The following TIMD4 variants were observed in gnomAD, a reference collection of about 807,000 sequenced individuals.
TIMD4 encodes T-cell immunoglobulin and mucin domain-containing protein 4.
A neutral mutation model predicts 41.2 loss-of-function variants in TIMD4; 31 were observed. The ratio of observed to expected loss-of-function variants is 0.75; its 90% CI spans 0.57 to 1.01. The LOEUF is 1.01. Ranked by LOEUF, TIMD4 falls within the 50% of genes least tolerant of loss-of-function variation. The pLI, the probability that TIMD4 is intolerant of heterozygous loss-of-function variation, is 0.00. For synonymous variants in TIMD4, 204 were observed against 177.1 expected, an observed-to-expected ratio of 1.15 and a Z score of -1.21; for missense variants, 479 against 472.5, an observed-to-expected ratio of 1.01 and a Z score of -0.13.
At chr5:156,956,783 C>T (rs1374828076) in intron 1 of TIMD4, among the ~76,000 whole-genome samples, 2 of 152,212 alleles carry the variant, frequency 1.3e-5, no homozygotes, top group Non-Finnish European at 2.9e-5. Context: ...CACCCTGCTC[C>T]CCCTTGGGTA....
At chr5:156,957,197 G>A (rs537287223) in intron 1 of TIMD4, among the ~76,000 whole-genome samples, 75 of 152,266 alleles carry the variant, frequency 4.9e-4, no homozygotes, top group Non-Finnish European at 7.1e-4. Flanking sequence ...ACTTTGCCAA[G>A]TGGAAATGTT....
Position 156,919,393 on chromosome 5 carries a change from C to A in TIMD4, c.*64G>T. The A allele has an allele frequency of 7.0e-7, 1 of 1,427,168 alleles. No individual in the cohort carries two copies. The highest frequency in any genetic ancestry group is 9.9e-7 in the Non-Finnish European group (1 of 1,014,714). The allele number at this position is 1,427,168 out of a possible 1,614,324, so 88.4% of individuals were successfully genotyped here. The stretch of plus-strand genomic sequence containing the variant: ...CTTTTTTATGAAACAAGGAAATCTA[C>A]TAAGACTTATTTTGACACTGGAGTG... On this transcript the variant is annotated 3_prime_UTR_variant, in exon 9 of 9. Coordinates refer to ENST00000274532, the MANE Select transcript of TIMD4 (RefSeq NM_138379.3).
At chr5:156,922,476 G>A (rs911750930) in intron 6 of TIMD4, among the ~76,000 whole-genome samples, 6 of 152,188 alleles carry the variant, frequency 3.9e-5, no homozygotes, top group African/African-American at 1.4e-4. Context: ...GTTCTCCATG[G>A]TCAAATCTCT....
rs534368440 is a variant in TIMD4 at position 156,945,905 on chromosome 5, G to A, written c.844+2511C>T. On this transcript the variant is annotated intron_variant, in intron 5 of 8. Transcript: ENST00000274532. ...ATTAAATGAAGTGGCCCAGGAAGAT[G>A]GCTTGACACAGACCTAGAACATAAC... 1.1e-4 allele frequency among the ~76,000 whole-genome samples: 16 copies of A among 152,256 alleles called. No individual in the cohort carries two copies. The South Asian group carries it at 1.5e-3, about 14-fold the overall frequency.
At chr5:156,925,966 C>A (rs918124417) in intron 6 of TIMD4, among the ~76,000 whole-genome samples, 1 of 152,232 alleles carries the variant, frequency 6.6e-6, no homozygotes, top group Non-Finnish European at 1.5e-5. Flanking sequence ...TGCAATAGCG[C>A]CATCTTGGCT....
chr5:156,946,728 G>A (rs113494737), intron 5 of TIMD4, among the ~76,000 whole-genome samples: 22 of 151,130 alleles, frequency 1.5e-4, no homozygotes, highest in South Asian at 2.1e-4. Flanking sequence ...CTCGTGATCC[G>A]CCTGCCTCGG....
chr5:156,953,817 G>A (rs1014959516), intron 2 of TIMD4, among the ~76,000 whole-genome samples: 12 of 152,130 alleles, frequency 7.9e-5, no homozygotes, highest in African/African-American at 2.7e-4. Context: ...TACTGGACAA[G>A]CCCTAAAGGT....
intron 5 of TIMD4, among the ~76,000 whole-genome samples, chr5:156,930,405 T>C (rs571797233): frequency 2.6e-4 from 39 of 152,348 alleles, no homozygotes; most frequent in African/African-American, 8.2e-4. Context: ...TTTGAACTGT[T>C]TGACTGACAT....
intron 5 of TIMD4, among the ~76,000 whole-genome samples, chr5:156,934,396 C>G (rs139661098): frequency 5.9e-4 from 90 of 152,268 alleles, no homozygotes; most frequent in African/African-American, 2.0e-3. Context: ...GCTGGGACTA[C>G]AAGTGTGTGC....
chr5:156,939,526 TTAG>T (rs1759601571), intron 5 of TIMD4, among the ~76,000 whole-genome samples: 2 of 152,184 alleles, frequency 1.3e-5, no homozygotes, highest in East Asian at 3.8e-4. Flanking sequence ...TAAGTGCCAA[TTAG>T]CAAAGACACC....
At chr5:156,930,346 G>T (rs1759424660) in intron 5 of TIMD4, among the ~76,000 whole-genome samples, 1 of 152,236 alleles carries the variant, frequency 6.6e-6, no homozygotes, top group African/African-American at 2.4e-5. Context: ...GGCCCATGGG[G>T]TTGAGCAATG....
At chr5:156,919,866 T>A (rs1033458881) in intron 8 of TIMD4, among the ~76,000 whole-genome samples, 1 of 152,212 alleles carries the variant, frequency 6.6e-6, no homozygotes, top group African/African-American at 2.4e-5. Flanking sequence ...TAATACATAT[T>A]GTGGTATTAA....
rs61163007 is a variant in TIMD4, at chr5:156,941,185, C to T, written c.844+7231G>A. ...CAGGGACACAAACACTGCGGAAGGC[C>T]GCAGGGTCCTCTGCCTAGGAAAACC... On this transcript the variant is annotated intron_variant, in intron 5 of 8. Transcript: ENST00000274532. 4.4e-3 allele frequency among the ~76,000 whole-genome samples: 665 copies of T among 152,076 alleles called. 4 individuals are homozygous for T. Among genetic ancestry groups the T allele is most frequent in the African/African-American group, 0.015 (635 of 41,418 alleles).
At chr5:156,934,997 G>C (rs1263850310) in intron 5 of TIMD4, among the ~76,000 whole-genome samples, 1 of 152,170 alleles carries the variant, frequency 6.6e-6, no homozygotes, top group Non-Finnish European at 1.5e-5. Flanking sequence ...TAGAATTTTA[G>C]AAGTGACAAG....
intron 5 of TIMD4, among the ~76,000 whole-genome samples, chr5:156,928,425 A>C (rs1180853410): frequency 6.6e-6 from 1 of 152,204 alleles, no homozygotes; most frequent in African/African-American, 2.4e-5. Flanking sequence ...AGAAATGGTC[A>C]GAGAGATCAG....
chr5:156,922,306 C>A, intron 6 of TIMD4, 90 bp from the exon 7 acceptor site: 2 of 995,460 alleles, frequency 2.0e-6, no homozygotes, highest in African/African-American at 1.6e-5. Context: ...ACCTTACAAC[C>A]ACCAGCAGTT....
intron 1 of TIMD4, among the ~76,000 whole-genome samples, chr5:156,960,031 A>C (rs1374090357): frequency 6.6e-6 from 1 of 152,024 alleles, no homozygotes; most frequent in South Asian, 2.1e-4. Context: ...CATTGGAGTG[A>C]GACTCTGTCT....
chr5:156,928,293 T>C (rs1010756966), intron 5 of TIMD4, among the ~76,000 whole-genome samples: 9 of 138,532 alleles, frequency 6.5e-5, no homozygotes, highest in African/African-American at 2.4e-4. Flanking sequence ...AGAGACTCCA[T>C]CTAAAAAAAA....
At chr5:156,949,538 G>T (rs1759813309) in intron 4 of TIMD4, 113 bp downstream of exon 4, 1 of 887,422 alleles carries the variant, frequency 1.1e-6, no homozygotes. Context: ...GGATTTTATG[G>T]CACAAAAGAC....
Sources: gnomAD v4.1 joint callset for allele counts (sites outside exome capture counted in the v4.1 genomes callset) on GRCh38, gnomAD v4.1.1 for gene constraint, MANE v1.5 for transcripts, NCBI Gene and HGNC (gene_info 2026-07-23, HGNC 2026-07-21) for gene names.